PJA2: variants seen among roughly 807,000 people sequenced by gnomAD.
PJA2 encodes praja ring finger ubiquitin ligase 2, also known as E3 ubiquitin-protein ligase Praja-2.
In PJA2, 25 loss-of-function variants were observed where a neutral mutation model predicts 69.3. The ratio of observed to expected loss-of-function variants is 0.36; its 90% confidence interval spans 0.26 to 0.50. The LOEUF is 0.50. Ranked by LOEUF, PJA2 falls within the 20% of genes least tolerant of loss-of-function variation. PJA2 has a pLI of 0.96. For synonymous variants in PJA2, 308 were observed against 277.8 expected (o/e 1.11, Z -1.08); for missense variants, 809 against 830.2 (o/e 0.97, Z 0.31).
In PJA2 at chr5:109,344,248, G is replaced by A; in HGVS notation, c.1943C>T (p.Thr648Ile). The A allele has an allele frequency of 6.2e-7, 1 of 1,612,482 alleles. No homozygotes were observed. Among genetic ancestry groups the A allele is most frequent in the Non-Finnish European group, 8.5e-7 (1 of 1,179,194 alleles). Reference protein sequence around the residue: ...CSEYIKDDIATELPCHHFFHK... With the variant: ...CSEYIKDDIAIELPCHHFFHK... The stretch of plus-strand genomic sequence containing the variant: ...AAAGAAATGGTGACAGGGCAACTCT[G>A]TTGCTATATCATCCTTAATATACTC... The change falls in exon 9 of 10, where the codon ACA becomes ATA. Residue 648 changes from threonine (T) to isoleucine (I), a missense_variant. Thr to Ile is a moderately conservative substitution (Grantham distance 89). Transcript: ENST00000361189.
intron 1 of PJA2, among the ~76,000 whole-genome samples, chr5:109,389,376 CTG>C (rs1421441493): frequency 3.3e-5 from 5 of 152,068 alleles, no homozygotes; most frequent in East Asian, 1.9e-4. Context: ...GCTGACTAAA[CTG>C]TGTTTTTCAG....
chr5:109,408,052 G>A (rs994979056), intron 1 of PJA2, among the ~76,000 whole-genome samples: 3 of 152,160 alleles, frequency 2.0e-5, no homozygotes, highest in Non-Finnish European at 4.4e-5. Flanking sequence ...TAAAGAGGGA[G>A]AAAGGGTTAC....
intron 1 of PJA2, among the ~76,000 whole-genome samples, chr5:109,402,371 G>A (rs1747574428): frequency 6.6e-6 from 1 of 152,058 alleles, no homozygotes; most frequent in South Asian, 2.1e-4. Flanking sequence ...ACACTAAAAG[G>A]AGGCTGGAGA....
chr5:109,337,110 C>A lies in PJA2; in HGVS notation c.*121G>T. 1 of 922,596 alleles carries A rather than the reference C, an allele frequency of 1.1e-6. No individual in the cohort carries two copies. Among genetic ancestry groups the A allele is most frequent in the Non-Finnish European group, 1.5e-6 (1 of 684,464 alleles). 57.2% of individuals were successfully genotyped at this position (922,596 alleles called of 1,614,324 possible). The stretch of plus-strand genomic sequence containing the variant: ...TAGAAAGGTTAATATTCTTTCTAAA[C>A]TATGGCATATACTATATATAGCATT... On this transcript the variant is annotated 3_prime_UTR_variant, in exon 10 of 10. Coordinates refer to ENST00000361189, the MANE Select transcript of PJA2 (RefSeq NM_014819.5).
intron 7 of PJA2, among the ~76,000 whole-genome samples, chr5:109,347,662 C>T (rs957381608): frequency 6.6e-6 from 1 of 151,604 alleles, no homozygotes. Context: ...TCTGCCAGCA[C>T]AGTACCATAA....
At chr5:109,368,216 T>C (rs576661588) in intron 5 of PJA2, among the ~76,000 whole-genome samples, 1 of 152,356 alleles carries the variant, frequency 6.6e-6, no homozygotes, top group East Asian at 1.9e-4. Flanking sequence ...TTTCTGTGAA[T>C]GAATCACTGA....
rs79685605 is a variant in PJA2 at position 109,362,793 on chromosome 5, T to C, written c.1652+47A>G. The C allele has an allele frequency of 4.0e-3, 5,850 of 1,473,542 alleles. 191 individuals carry two copies. The African/African-American group carries it at 0.074, about 19-fold the overall frequency. The allele number at this position is 1,473,542 out of a possible 1,614,324, so 91.3% of individuals were successfully genotyped here. ...ATTTAATTTTCATAAATTAGAATCA[T>C]GAACTCAGAGCCTAATTAAGCATCC... On this transcript the variant is annotated intron_variant, in intron 6 of 9. Coordinates refer to ENST00000361189, the MANE Select transcript of PJA2 (RefSeq NM_014819.5).
At chr5:109,394,039 CTTTTTTTTTTTT>C (rs75679188) in intron 1 of PJA2, among the ~76,000 whole-genome samples, 27 of 81,858 alleles carry the variant, frequency 3.3e-4, no homozygotes, top group Non-Finnish European at 6.6e-4. Context: ...TTCTAATTCT[CTTTTTTTTTTTT>C]TTTTTTTTTT....
chr5:109,378,265 C>A lies in PJA2; in HGVS notation c.1222G>T (p.Asp408Tyr). Reference protein sequence around the residue: ...SGATAGRQEVDNTFWNGCGDY... With the variant: ...SGATAGRQEVYNTFWNGCGDY... ...CCACAGCCATTCCAAAAGGTGTTAT[C>A]CACCTCTTGCCTTCCTGCTGTGGCT... Residue 408 changes from aspartate to tyrosine, a missense_variant, in exon 4 of 10, where the codon GAT (aspartate) becomes TAT (tyrosine). Transcript: ENST00000361189. 1 of 1,613,930 alleles carries A rather than the reference C, an allele frequency of 6.2e-7. No individual in the cohort carries two copies. The highest frequency in any genetic ancestry group is 8.5e-7 in the Non-Finnish European group (1 of 1,179,866).
intron 1 of PJA2, among the ~76,000 whole-genome samples, chr5:109,409,557 C>T (rs940488534): frequency 9.9e-5 from 15 of 152,184 alleles, no homozygotes; most frequent in African/African-American, 3.6e-4. Context: ...GCGAAGACCC[C>T]GATACCAACC....
chr5:109,390,023 C>CAA (rs1215901089), intron 1 of PJA2, among the ~76,000 whole-genome samples: 2 of 151,686 alleles, frequency 1.3e-5, no homozygotes, highest in Non-Finnish European at 2.9e-5. Context: ...AATATTTTTG[C>CAA]ACATGTCCCA....
chr5:109,384,415 A>C (rs79688402), intron 1 of PJA2, among the ~76,000 whole-genome samples: 1,560 of 152,326 alleles, frequency 0.01, 26 homozygotes, highest in African/African-American at 0.036. Flanking sequence ...CAAATACAAA[A>C]AGAACTTCTG....
intron 9 of PJA2, among the ~76,000 whole-genome samples, chr5:109,343,075 G>C (rs1762105940): frequency 9.2e-6 from 1 of 109,200 alleles, no homozygotes; most frequent in African/African-American, 3.7e-5. Context: ...GGCGGGAAAG[G>C]TGGGGAAAAG....
intron 6 of PJA2, among the ~76,000 whole-genome samples, chr5:109,362,204 C>T (rs1303518771): frequency 6.6e-6 from 1 of 152,152 alleles, no homozygotes; most frequent in African/African-American, 2.4e-5. Context: ...CAATAGTTAC[C>T]TGCTTTCAGT....
rs575801504 is a variant in PJA2, at chr5:109,378,070, T to C, written c.1283+134A>G. The stretch of plus-strand genomic sequence containing the variant: ...GTTTGCATGTATGGTTAGCATTCAG[T>C]AAATAAAAATATTTGGTAAGTCAAA... On this transcript the variant is annotated intron_variant, in intron 4 of 9. Transcript: ENST00000361189. 3.8e-4 allele frequency: 251 copies of C among 657,234 alleles called. No homozygotes were observed. In the African/African-American group the frequency reaches 4.3e-3, roughly 11 times the overall value. 40.7% of individuals were successfully genotyped at this position (657,234 alleles called of 1,614,324 possible). A position where few individuals can be genotyped will look rare whatever the true frequency, so the allele number is the denominator to read the frequency against.
At chr5:109,377,669 G>C (rs1440755474) in intron 4 of PJA2, among the ~76,000 whole-genome samples, 2 of 152,008 alleles carry the variant, frequency 1.3e-5, no homozygotes, top group Admixed American at 1.3e-4. Context: ...ACAAATGAGG[G>C]AAATAATGGA....
At chr5:109,341,144 T>C (rs1762046940) in intron 9 of PJA2, among the ~76,000 whole-genome samples, 2 of 102,394 alleles carry the variant, frequency 2.0e-5, no homozygotes, top group African/African-American at 7.0e-5. Flanking sequence ...CTGCCCAGTC[T>C]GGAAAGTGAG....
chr5:109,340,111 G>C (rs1762015885), intron 9 of PJA2, among the ~76,000 whole-genome samples: 1 of 152,128 alleles, frequency 6.6e-6, no homozygotes, highest in African/African-American at 2.4e-5. Context: ...ACTGCTAGCT[G>C]GTCTTTGTAA....
chr5:109,344,978 C>T (rs1321127022), intron 7 of PJA2, among the ~76,000 whole-genome samples, 159 bp from the exon 8 acceptor site: 3 of 152,060 alleles, frequency 2.0e-5, no homozygotes, highest in Non-Finnish European at 4.4e-5. Context: ...GAAGGAACTA[C>T]CACCATCACC....
Sources: gnomAD v4.1 joint callset for allele counts (sites outside exome capture counted in the v4.1 genomes callset) on GRCh38, gnomAD v4.1.1 for gene constraint, MANE v1.5 for transcripts, NCBI Gene and HGNC (gene_info 2026-07-23, HGNC 2026-07-21) for gene names.